RALGAPA2: variants seen among roughly 807,000 people sequenced by gnomAD.
RALGAPA2 encodes ral GTPase-activating protein subunit alpha-2.
A neutral mutation model predicts 230.4 loss-of-function variants in RALGAPA2; 139 were observed. The ratio of observed to expected loss-of-function variants is 0.60; its 90% CI spans 0.53 to 0.69. The LOEUF (loss-of-function observed/expected upper bound fraction) is 0.69, where lower values mean the gene tolerates loss of function less well. Ranked by LOEUF, RALGAPA2 falls within the 30% of genes least tolerant of loss-of-function variation. The pLI is 0.00. For synonymous variants in RALGAPA2, 847 were observed against 837.8 expected (o/e 1.01, Z -0.19); for missense variants, 2,163 against 2,276.0 (o/e 0.95, Z 1.01).
At chr20:20,582,607 G>C (rs996350756) in intron 20 of RALGAPA2, among the ~76,000 whole-genome samples, 1 of 151,994 alleles carries the variant, frequency 6.6e-6, no homozygotes, top group African/African-American at 2.4e-5. Flanking sequence ...AGAAGGGGAG[G>C]GACTTGAGAA....
rs538827092 is a variant in RALGAPA2 at position 20,464,506 on chromosome 20, C to T, written c.5495+8323G>A. Among the ~76,000 whole-genome samples, 4 of 152,294 alleles carry T rather than the reference C, an allele frequency of 2.6e-5. No homozygotes were observed. The South Asian group carries it at 8.3e-4, about 32-fold the overall frequency. On this transcript the variant is annotated intron_variant, in intron 37 of 39. Coordinates refer to ENST00000202677, the MANE Select transcript of RALGAPA2 (RefSeq NM_020343.4). ...AGAGAGTCACTCCTTTCTCAGGAGG[C>T]CAAGGCTTTGATGGTACATTTCCCT...
rs182853012 is a variant in RALGAPA2, at chr20:20,690,108, A to G, written c.107-9307T>C. Among the ~76,000 whole-genome samples, 815 of 152,340 alleles carry G rather than the reference A, an allele frequency of 5.3e-3. 6 individuals carry two copies. Among genetic ancestry groups the G allele is most frequent in the African/African-American group, 0.019 (777 of 41,568 alleles). On this transcript the variant is annotated intron_variant, in intron 1 of 39. Coordinates refer to ENST00000202677, the MANE Select transcript of RALGAPA2 (RefSeq NM_020343.4). ...CAAGTACACTTGTCTAATATCATCAAGATTTCGTATTTCAGAAAAATTCTC... is the reference window on the plus strand; with the variant it reads ...CAAGTACACTTGTCTAATATCATCAGGATTTCGTATTTCAGAAAAATTCTC...
At chr20:20,692,153 C>T (rs1309038112) in intron 1 of RALGAPA2, among the ~76,000 whole-genome samples, 2 of 152,100 alleles carry the variant, frequency 1.3e-5, no homozygotes, top group Non-Finnish European at 2.9e-5. Flanking sequence ...TATAAATTAC[C>T]CATTATTCCT....
chr20:20,563,113 C>T (rs1360849893), intron 23 of RALGAPA2, among the ~76,000 whole-genome samples: 1 of 152,166 alleles, frequency 6.6e-6, no homozygotes, highest in Non-Finnish European at 1.5e-5. Flanking sequence ...ATTAACTTAA[C>T]AATACATGTC....
At position 20,712,634 on chromosome 20, in the gene RALGAPA2, G is replaced by GCCGC; in HGVS notation, c.-155_-154insGCGG. On this transcript the variant is annotated 5_prime_UTR_variant, in exon 1 of 40. Transcript: ENST00000202677. This position sits in a 1 kb window ranked among gnomAD's most constrained non-coding sequence, Gnocchi z 5.5. Reference sequence around the variant, plus strand: ...CGCCGCCGCCGCCGCCGCCGCCTCAGCTGTGTCTCCAGGAAGGAGGGGCGG... The same window carrying GCCGC: ...CGCCGCCGCCGCCGCCGCCGCCTCAGCCGCCTGTGTCTCCAGGAAGGAGGGGCGG... 8.5e-7 allele frequency: 1 copy of GCCGC among 1,176,054 alleles called. No homozygotes were observed. Among genetic ancestry groups the GCCGC allele is most frequent in the Non-Finnish European group, 1.1e-6 (1 of 948,074 alleles). The allele number at this position is 1,176,054 out of a possible 1,614,324, so 72.9% of individuals were successfully genotyped here.
Position 20,396,697 on chromosome 20 carries a change from T to A in RALGAPA2, c.*33A>T. On this transcript the variant is annotated splice_region_variant and 3_prime_UTR_variant, in exon 39 of 40. Transcript: ENST00000202677. ...ATCCACTGAAGTGTCTGTCTTACCT[T>A]GCTCAAATATTGAAATGAGACCTTT... 1.2e-6 allele frequency: 2 copies of A among 1,609,550 alleles called. No homozygotes were observed. The highest frequency in any genetic ancestry group is 1.7e-6 in the Non-Finnish European group (2 of 1,176,362).
At chr20:20,602,714 T>C (rs2065693020) in intron 15 of RALGAPA2, among the ~76,000 whole-genome samples, 1 of 152,260 alleles carries the variant, frequency 6.6e-6, no homozygotes, top group South Asian at 2.1e-4. Context: ...GTTCGGTACA[T>C]TTTGAAAACA....
chr20:20,624,980 C>T (rs993381846), intron 10 of RALGAPA2, among the ~76,000 whole-genome samples: 5 of 152,184 alleles, frequency 3.3e-5, no homozygotes, highest in African/African-American at 1.2e-4. Flanking sequence ...TTGTGCCTGC[C>T]TTAATCTCAA....
chr20:20,583,310 A>C, intron 19 of RALGAPA2, 84 bp from the exon 20 acceptor site: 1 of 1,351,966 alleles, frequency 7.4e-7, no homozygotes, highest in Non-Finnish European at 1.0e-6. Flanking sequence ...AAAGTAACTA[A>C]ACAAACAGCA....
intron 35 of RALGAPA2, among the ~76,000 whole-genome samples, chr20:20,496,355 C>A (rs2062204330): frequency 6.6e-6 from 1 of 152,040 alleles, no homozygotes; most frequent in Non-Finnish European, 1.5e-5. Context: ...GAAAGCTGCA[C>A]ACGAAATCAT....
intron 31 of RALGAPA2, among the ~76,000 whole-genome samples, chr20:20,516,543 C>T (rs1011635892): frequency 5.9e-5 from 9 of 152,152 alleles, no homozygotes; most frequent in Admixed American, 3.9e-4. Flanking sequence ...CTGAGCCTGT[C>T]GAAGTTAAAG....
chr20:20,629,174 CACA>C (rs1006537279), intron 10 of RALGAPA2, among the ~76,000 whole-genome samples, 186 bp downstream of exon 10: 1 of 152,156 alleles, frequency 6.6e-6, no homozygotes, highest in African/African-American at 2.4e-5. Context: ...ATTTAAAAAT[CACA>C]ACAATCCTCA....
intron 1 of RALGAPA2, among the ~76,000 whole-genome samples, chr20:20,696,576 A>G (rs1164075434): frequency 6.6e-6 from 1 of 151,836 alleles, no homozygotes; most frequent in African/African-American, 2.4e-5. Context: ...GTTCCACACC[A>G]TCTTATCCCT....
chr20:20,700,549 A>G (rs1488245470), intron 1 of RALGAPA2, among the ~76,000 whole-genome samples: 1 of 152,182 alleles, frequency 6.6e-6, no homozygotes, highest in Non-Finnish European at 1.5e-5. Flanking sequence ...TGGTTTTCAT[A>G]AATTTAAAAC....
intron 3 of RALGAPA2, among the ~76,000 whole-genome samples, chr20:20,661,699 T>G (rs1255793307): frequency 6.6e-6 from 1 of 152,074 alleles, no homozygotes; most frequent in African/African-American, 2.4e-5. Context: ...AAGTAGTAAG[T>G]ATAAGCAGGT....
At chr20:20,604,326 A>G (rs1309222555) in intron 15 of RALGAPA2, among the ~76,000 whole-genome samples, 1 of 152,246 alleles carries the variant, frequency 6.6e-6, no homozygotes, top group Non-Finnish European at 1.5e-5. Context: ...AATAGAAACT[A>G]CCACTGATGT....
intron 23 of RALGAPA2, among the ~76,000 whole-genome samples, chr20:20,564,806 T>A (rs1157247827): frequency 6.6e-6 from 1 of 152,220 alleles, no homozygotes; most frequent in Non-Finnish European, 1.5e-5. Flanking sequence ...TTCTTGAAAG[T>A]CAATATATTC....
chr20:20,624,844 T>C (rs549245068), intron 10 of RALGAPA2, among the ~76,000 whole-genome samples: 4 of 152,234 alleles, frequency 2.6e-5, no homozygotes, highest in Non-Finnish European at 1.5e-5. Flanking sequence ...TTTTCTTCTG[T>C]TAAATTCAAG....
intron 36 of RALGAPA2, among the ~76,000 whole-genome samples, chr20:20,483,534 C>T (rs6132303): frequency 0.019 from 2,965 of 152,198 alleles, 100 homozygotes; most frequent in East Asian, 0.14. Context: ...ATCACTAAGG[C>T]ATCAGGACCA....
Sources: allele counts gnomAD v4.1 joint callset (sites outside exome capture counted in the v4.1 genomes callset), GRCh38; gene constraint gnomAD v4.1.1; non-coding constraint Gnocchi (gnomAD v3.1); transcripts MANE v1.5; gene names NCBI Gene and HGNC (gene_info 2026-07-23, HGNC 2026-07-21).